The following RELN variants were observed in gnomAD, a reference collection of about 807,000 sequenced individuals.
The protein encoded by RELN is reelin.
A neutral mutation model predicts 427.6 loss-of-function variants in RELN; 108 were observed. The observed-to-expected ratio is 0.25, with a 90% confidence interval of 0.22 to 0.30. The LOEUF (loss-of-function observed/expected upper bound fraction) is 0.30. RELN is among the 10% of genes least tolerant of loss of function. The probability of loss-of-function intolerance (pLI) is 1.00; values close to 1 mark genes in which losing one functional copy is unlikely to be tolerated. For missense variants in RELN, 3,715 were observed against 4,302.8 expected, an observed-to-expected ratio of 0.86 and a Z score of 3.82; for synonymous variants, 1,524 against 1,513.4, an observed-to-expected ratio of 1.01 and a Z score of -0.16.
Position 103,563,433 on chromosome 7 carries a change from C to T in RELN, c.5211-1480G>A, listed in dbSNP as rs561120121. On this transcript the variant is annotated intron_variant, in intron 34 of 64. Coordinates refer to ENST00000428762, the MANE Select transcript of RELN (RefSeq NM_005045.4). The surrounding 1 kb of genome is among the most constrained non-coding windows in gnomAD (Gnocchi z 4.1). ...AAGTTCTCAAAATATTAAAAGCTTA[C>T]AGAATAACGATAGAAAGAAAACATT... Among the ~76,000 whole-genome samples, 10 of 152,164 alleles carry T rather than the reference C, an allele frequency of 6.6e-5. 1 individual carries two copies. The highest frequency in any genetic ancestry group is 2.6e-4 in the Admixed American group (4 of 15,288).
intron 6 of RELN, among the ~76,000 whole-genome samples, chr7:103,743,351 C>T (rs565078971): frequency 7.2e-5 from 11 of 152,262 alleles, no homozygotes; most frequent in Admixed American, 2.0e-4. Flanking sequence ...GAAACTGCAC[C>T]AACTAACAAG....
Position 103,989,351 on chromosome 7 carries a change from C to T in RELN, c.6G>A (p.Glu2=). M[E]RSGWARQTFL... is the part of the protein sequence containing the mutation. ...AAGTCTGCCGGGCCCAGCCACTGCGCTCCATGCCGCCGCCGCCGCCGCCGC... is the reference window on the plus strand; with the variant it reads ...AAGTCTGCCGGGCCCAGCCACTGCGTTCCATGCCGCCGCCGCCGCCGCCGC... The change falls in exon 1 of 65, where the codon GAG becomes GAA. Residue 2 remains glutamate, a synonymous_variant. Coordinates refer to ENST00000428762, the MANE Select transcript of RELN (RefSeq NM_005045.4). The surrounding 1 kb of genome is among the most constrained non-coding windows in gnomAD (Gnocchi z 4.9). 7.2e-7 allele frequency: 1 copy of T among 1,382,978 alleles called. No individual in the cohort carries two copies. Among genetic ancestry groups the T allele is most frequent in the Non-Finnish European group, 9.5e-7 (1 of 1,057,330 alleles). 85.7% of individuals were successfully genotyped at this position (1,382,978 alleles called of 1,614,324 possible). A position where few individuals can be genotyped will look rare whatever the true frequency, so the allele number is the denominator to read the frequency against.
Position 103,860,782 on chromosome 7 carries a change from T to C in RELN, c.338-27110A>G, listed in dbSNP as rs185935026. Among the ~76,000 whole-genome samples, 172 of 152,164 alleles carry C rather than the reference T, an allele frequency of 1.1e-3. 1 individual carries two copies. The highest frequency in any genetic ancestry group is 3.9e-3 in the African/African-American group (164 of 41,544). Reference sequence around the variant, plus strand: ...AAAACTAAAACTTAGCAATGTATTATCATCATCATCATCATCATTAAAAAG... The same window carrying C: ...AAAACTAAAACTTAGCAATGTATTACCATCATCATCATCATCATTAAAAAG... On this transcript the variant is annotated intron_variant, in intron 2 of 64. Transcript: ENST00000428762.
intron 53 of RELN, 107 bp downstream of exon 53, chr7:103,500,638 T>A: frequency 9.0e-7 from 1 of 1,116,118 alleles, no homozygotes; most frequent in Middle Eastern, 3.1e-4. Flanking sequence ...TTTTCTTTCC[T>A]GGGGGACCCA....
intron 8 of RELN, among the ~76,000 whole-genome samples, chr7:103,702,401 TAA>T (rs1834112953): frequency 2.0e-5 from 3 of 152,160 alleles, no homozygotes; most frequent in Non-Finnish European, 2.9e-5. Flanking sequence ...AGCAAATGTA[TAA>T]GGTAAATCTC....
chr7:103,760,747 GCCC>G, intron 4 of RELN, among the ~76,000 whole-genome samples: 1 of 152,174 alleles, frequency 6.6e-6, no homozygotes, highest in South Asian at 2.1e-4. Context: ...GAATTCAAAG[GCCC>G]TAGGTAGTTT....
chr7:103,765,556 T>A (rs1187888924), intron 4 of RELN, among the ~76,000 whole-genome samples: 1 of 152,236 alleles, frequency 6.6e-6, no homozygotes, highest in Non-Finnish European at 1.5e-5. Context: ...TTTTCACACG[T>A]ACATTAAAAA....
chr7:103,716,228 G>A (rs1468188211), intron 8 of RELN, among the ~76,000 whole-genome samples: 1 of 152,008 alleles, frequency 6.6e-6, no homozygotes, highest in Non-Finnish European at 1.5e-5. Context: ...CTCTTTCCTG[G>A]ACTTTCTAAC....
chr7:103,621,054 T>C (rs538765901), intron 20 of RELN, among the ~76,000 whole-genome samples: 1 of 152,224 alleles, frequency 6.6e-6, no homozygotes, highest in Non-Finnish European at 1.5e-5. Flanking sequence ...AACAGAGCCA[T>C]TTTAAGACTT....
At chr7:103,595,016 AT>A (rs1258563404) in intron 25 of RELN, among the ~76,000 whole-genome samples, 3 of 152,166 alleles carry the variant, frequency 2.0e-5, no homozygotes, top group Non-Finnish European at 4.4e-5. Context: ...TATACGTATA[AT>A]TTGGTGATCT....
At chr7:103,784,782 G>A (rs12672503) in intron 3 of RELN, among the ~76,000 whole-genome samples, 3,081 of 152,100 alleles carry the variant, frequency 0.02, 101 homozygotes, top group African/African-American at 0.067. Flanking sequence ...ATTCTTTTTG[G>A]ATTATGTCTT....
In RELN at chr7:103,761,756, A is replaced by G. The variant is rs577839565; in HGVS notation, c.545-8542T>C. The stretch of plus-strand genomic sequence containing the variant: ...CAGGCGTGAGCCACCATGCCTGGCC[A>G]AATTTTAATTTTTAAAAAATTGTTA... On this transcript the variant is annotated intron_variant, in intron 4 of 64. Transcript: ENST00000428762. Among the ~76,000 whole-genome samples the G allele has an allele frequency of 2.0e-5, 3 of 152,288 alleles. No individual in the cohort carries two copies. The East Asian group carries it at 5.8e-4, about 29-fold the overall frequency.
chr7:103,587,920 T>C (rs562553099), intron 28 of RELN, among the ~76,000 whole-genome samples: 7 of 152,190 alleles, frequency 4.6e-5, no homozygotes, highest in African/African-American at 1.4e-4. Flanking sequence ...AAAAGGGAAC[T>C]CTTATATACT....
chr7:103,589,563 A>G, intron 28 of RELN, 33 bp downstream of exon 28: 1 of 1,446,324 alleles, frequency 6.9e-7, no homozygotes, highest in Non-Finnish European at 9.7e-7. Context: ...GTCTTTCTTA[A>G]TGGCCCAAAC....
intron 2 of RELN, among the ~76,000 whole-genome samples, chr7:103,915,791 C>T (rs548186829): frequency 1.3e-5 from 2 of 152,266 alleles, no homozygotes; most frequent in South Asian, 4.1e-4. Flanking sequence ...GGTAGTTTTA[C>T]TTGCTGAATC....
rs931537623 is a variant in RELN at position 103,833,772 on chromosome 7, G to T, written c.338-100C>A. 1.3e-5 allele frequency: 15 copies of T among 1,190,428 alleles called. No individual in the cohort carries two copies. In the Admixed American group the frequency reaches 2.0e-4, roughly 16 times the overall value. The allele number at this position is 1,190,428 out of a possible 1,614,324, so 73.7% of individuals were successfully genotyped here. A position where few individuals can be genotyped will look rare whatever the true frequency, so the allele number is the denominator to read the frequency against. On this transcript the variant is annotated intron_variant, in intron 2 of 64. Transcript: ENST00000428762. ...CTGAATATTTTTCTTTCATGTTAAG[G>T]TTCTATGCTATTTGGCTTCCCAATA...
At position 103,704,406 on chromosome 7, in the gene RELN, A is replaced by G. The variant is rs564364657; in HGVS notation, c.806-3400T>C. Among the ~76,000 whole-genome samples, 371 of 152,320 alleles carry G rather than the reference A, an allele frequency of 2.4e-3. 1 individual carries two copies. Among genetic ancestry groups the G allele is most frequent in the Non-Finnish European group, 4.4e-3 (302 of 68,026 alleles). The stretch of plus-strand genomic sequence containing the variant: ...ATGTAAAACATGTAATTACAAAAAA[A>G]TAGGAACACAGATTATAATGCCCTC... On this transcript the variant is annotated intron_variant, in intron 8 of 64. Coordinates refer to ENST00000428762, the MANE Select transcript of RELN (RefSeq NM_005045.4).
At chr7:103,504,551 A>T (rs1355106744) in intron 51 of RELN, 1 of 152,246 alleles carries the variant, frequency 6.6e-6, no homozygotes, top group Non-Finnish European at 1.5e-5. Context: ...TTTCCAACTG[A>T]GGAACCCGGT....
chr7:103,663,317 C>T (rs1037943629), intron 11 of RELN, among the ~76,000 whole-genome samples: 1 of 152,134 alleles, frequency 6.6e-6, no homozygotes, highest in Non-Finnish European at 1.5e-5. Flanking sequence ...GAGACCCTAG[C>T]ACAGTGTTCA....
Sources: gnomAD v4.1 joint callset for allele counts (sites outside exome capture counted in the v4.1 genomes callset) on GRCh38, gnomAD v4.1.1 for gene constraint, Gnocchi (gnomAD v3.1) non-coding constraint, MANE v1.5 for transcripts, NCBI Gene and HGNC (gene_info 2026-07-23, HGNC 2026-07-21) for gene names.